Variants in NCK2 observed in about 807,000 individuals in gnomAD.
NCK2 encodes the protein NCK adaptor protein 2, also known as cytoplasmic protein NCK2.
NCK2 carries 16 observed loss-of-function variants against 33.9 expected under a neutral mutation model. That is an observed-to-expected ratio of 0.47 (90% CI 0.32 to 0.72). The LOEUF (loss-of-function observed/expected upper bound fraction) is 0.72, where lower values mean the gene tolerates loss of function less well. NCK2 is among the 30% of genes least tolerant of loss of function. NCK2 has a pLI of 0.03. For synonymous variants in NCK2, 273 were observed against 239.9 expected (o/e 1.14, Z -1.27); for missense variants, 418 against 537.3 (o/e 0.78, Z 2.19).
At chr2:105,755,713 T>C (rs1446355709) in intron 1 of NCK2, among the ~76,000 whole-genome samples, 2 of 151,356 alleles carry the variant, frequency 1.3e-5, no homozygotes, top group East Asian at 3.8e-4. Context: ...CCCATGCCTA[T>C]AAATTCGTGG....
intron 2 of NCK2, among the ~76,000 whole-genome samples, chr2:105,846,173 T>A (rs1676849026): frequency 6.6e-6 from 1 of 152,172 alleles, no homozygotes. Context: ...CAAAATTGTG[T>A]ACTTTTGTAG....
At chr2:105,811,643 G>T (rs1034012176) in intron 1 of NCK2, among the ~76,000 whole-genome samples, 1 of 152,216 alleles carries the variant, frequency 6.6e-6, no homozygotes, top group Non-Finnish European at 1.5e-5. Context: ...AGGATGCCAG[G>T]TGGAGGTCCT....
At chr2:105,803,710 A>C (rs1379875674) in intron 1 of NCK2, among the ~76,000 whole-genome samples, 1 of 152,204 alleles carries the variant, frequency 6.6e-6, no homozygotes. Context: ...TTTAGAGAAT[A>C]AGGCTTTCTG....
intron 1 of NCK2, among the ~76,000 whole-genome samples, chr2:105,778,182 G>C (rs185217927): frequency 3.0e-4 from 45 of 152,294 alleles, no homozygotes; most frequent in Admixed American, 1.1e-3. Context: ...GGGCTTAGAG[G>C]GGGACTGGGG....
intron 1 of NCK2, among the ~76,000 whole-genome samples, chr2:105,769,873 T>C (rs1690072472): frequency 6.6e-6 from 1 of 152,198 alleles, no homozygotes; most frequent in Non-Finnish European, 1.5e-5. Context: ...CTTCCGTGTG[T>C]GATGTTTCTT....
At chr2:105,880,936 ATTTTTTTTTTTTTTTTTTTT>A (rs59005322) in intron 3 of NCK2, among the ~76,000 whole-genome samples, 1 of 103,542 alleles carries the variant, frequency 9.7e-6, no homozygotes, top group Non-Finnish European at 1.9e-5. Context: ...CAGGTGGCTA[ATTTTTTTTTTTTTTTTTTTT>A]TTTTTTTTTT....
chr2:105,859,230 G>A (rs1677414571), intron 3 of NCK2, among the ~76,000 whole-genome samples: 2 of 152,182 alleles, frequency 1.3e-5, no homozygotes, highest in Non-Finnish European at 2.9e-5. Context: ...ACCAGCTGGA[G>A]CCTTGCAAAG....
chr2:105,799,740 A>G (rs1193262880), intron 1 of NCK2, among the ~76,000 whole-genome samples: 1 of 152,196 alleles, frequency 6.6e-6, no homozygotes, highest in African/African-American at 2.4e-5. Flanking sequence ...GCATGGAGGG[A>G]TGCTTCCCTC....
rs189671443 is a variant in NCK2, at chr2:105,753,783, G to A, written c.-201+8645G>A. Reference sequence around the variant, plus strand: ...GTAGGTTCTTGCTGAAAACCTTGTAGCAGGACATACCAAATCCTTTTCCTT... The same window carrying A: ...GTAGGTTCTTGCTGAAAACCTTGTAACAGGACATACCAAATCCTTTTCCTT... On this transcript the variant is annotated intron_variant, in intron 1 of 4. Coordinates refer to ENST00000233154, the MANE Select transcript of NCK2 (RefSeq NM_003581.5). Among the ~76,000 whole-genome samples, 152 of 152,354 alleles carry A rather than the reference G, an allele frequency of 1.0e-3. 1 individual carries two copies. The highest frequency in any genetic ancestry group is 2.0e-3 in the Non-Finnish European group (136 of 68,028).
chr2:105,854,990 A>C, intron 2 of NCK2, 58 bp from the exon 3 acceptor site: 1 of 1,345,716 alleles, frequency 7.4e-7, no homozygotes, highest in Non-Finnish European at 1.1e-6. Context: ...AAGTTGGTGC[A>C]AAGGATGAAG....
chr2:105,779,144 T>C (rs1380918595), intron 1 of NCK2, among the ~76,000 whole-genome samples: 2 of 151,840 alleles, frequency 1.3e-5, no homozygotes, highest in South Asian at 2.1e-4. Flanking sequence ...CTGTCTCTAC[T>C]AAAAATACAA....
At chr2:105,791,193 T>C (rs1690869455) in intron 1 of NCK2, among the ~76,000 whole-genome samples, 1 of 152,230 alleles carries the variant, frequency 6.6e-6, no homozygotes, top group African/African-American at 2.4e-5. Flanking sequence ...GCGGAAGATC[T>C]CTAATCCTTC....
At chr2:105,815,308 A>G (rs1558850644) in intron 1 of NCK2, among the ~76,000 whole-genome samples, 1 of 152,238 alleles carries the variant, frequency 6.6e-6, no homozygotes, top group Non-Finnish European at 1.5e-5. Context: ...AACTTGCCTT[A>G]TAACATTTTT....
chr2:105,873,075 A>G (rs566003202), intron 3 of NCK2, among the ~76,000 whole-genome samples: 14 of 152,338 alleles, frequency 9.2e-5, no homozygotes, highest in African/African-American at 2.9e-4. Context: ...CCCCAGTTCC[A>G]TGATCTTTGG....
At chr2:105,853,133 G>A (rs1677129769) in intron 2 of NCK2, among the ~76,000 whole-genome samples, 1 of 152,148 alleles carries the variant, frequency 6.6e-6, no homozygotes, top group Non-Finnish European at 1.5e-5. Flanking sequence ...TGTCAGGGAG[G>A]AAGGGGATTT....
intron 1 of NCK2, among the ~76,000 whole-genome samples, chr2:105,804,816 A>C (rs1347569054): frequency 6.6e-6 from 1 of 152,216 alleles, no homozygotes; most frequent in African/African-American, 2.4e-5. Context: ...CTCCACGTTG[A>C]TATTCATGGC....
At chr2:105,802,777 G>A (rs1674891508) in intron 1 of NCK2, among the ~76,000 whole-genome samples, 1 of 152,166 alleles carries the variant, frequency 6.6e-6, no homozygotes, top group African/African-American at 2.4e-5. Flanking sequence ...TATTCAAACG[G>A]TAGCAACATC....
chr2:105,755,211 A>G (rs1055801716), intron 1 of NCK2, among the ~76,000 whole-genome samples: 9 of 152,118 alleles, frequency 5.9e-5, no homozygotes, highest in East Asian at 1.9e-4. Flanking sequence ...TACTAGGTCT[A>G]TTTTACATGG....
intron 1 of NCK2, among the ~76,000 whole-genome samples, chr2:105,765,433 C>T (rs1203190806): frequency 6.6e-6 from 1 of 152,196 alleles, no homozygotes; most frequent in Non-Finnish European, 1.5e-5. Flanking sequence ...GAGGCCGGCC[C>T]CACGGCCAGT....
Sources: allele counts gnomAD v4.1 joint callset (sites outside exome capture counted in the v4.1 genomes callset), GRCh38; gene constraint gnomAD v4.1.1; transcripts MANE v1.5; gene names NCBI Gene and HGNC (gene_info 2026-07-23, HGNC 2026-07-21).